Variants in BMAL1 observed in about 807,000 individuals in gnomAD.
BMAL1 encodes the protein basic helix-loop-helix ARNT like 1.
chr11:13,321,402 G>A, the BMAL1 span, among the ~76,000 whole-genome samples: 11 of 152,168 alleles, frequency 7.2e-5, no homozygotes, highest in African/African-American at 2.7e-4. Context: ...TGGGCTGCCC[G>A]TTCTTTCTTA....
At chr11:13,315,784 G>A in the BMAL1 span, among the ~76,000 whole-genome samples, 3 of 152,148 alleles carry the variant, frequency 2.0e-5, no homozygotes, top group East Asian at 1.9e-4. Flanking sequence ...AGGCAGGTGC[G>A]CAGCCTGGAG....
the BMAL1 span, among the ~76,000 whole-genome samples, chr11:13,282,230 C>T: frequency 6.6e-6 from 1 of 152,182 alleles, no homozygotes; most frequent in African/African-American, 2.4e-5. Flanking sequence ...CTACTGGCTT[C>T]GTGACTTGTG....
the BMAL1 span, among the ~76,000 whole-genome samples, chr11:13,302,173 G>A: frequency 6.6e-6 from 1 of 152,196 alleles, no homozygotes; most frequent in African/African-American, 2.4e-5. Flanking sequence ...GCTTTAAGGA[G>A]AAGTTTGTCA....
chr11:13,340,729 A>G, the BMAL1 span, among the ~76,000 whole-genome samples: 1 of 151,838 alleles, frequency 6.6e-6, no homozygotes, highest in Admixed American at 6.6e-5. Flanking sequence ...TGCTCTCACC[A>G]TCTCTGAGTT....
the BMAL1 span, among the ~76,000 whole-genome samples, chr11:13,284,692 A>T: frequency 4.6e-5 from 7 of 151,978 alleles, no homozygotes; most frequent in African/African-American, 7.3e-5. Context: ...AGAGGGAAGA[A>T]GCTCTTTTTG....
the BMAL1 span, among the ~76,000 whole-genome samples, chr11:13,353,684 G>A: frequency 1.3e-5 from 2 of 152,028 alleles, no homozygotes; most frequent in Non-Finnish European, 2.9e-5. Flanking sequence ...CAGGTGTGGT[G>A]GTGTATGCCT....
chr11:13,380,230 A>G, the BMAL1 span: 1 of 152,234 alleles, frequency 6.6e-6, no homozygotes, highest in African/African-American at 2.4e-5. Flanking sequence ...CATGATATGT[A>G]GTTGTAAACT....
chr11:13,374,888 T>A, the BMAL1 span, among the ~76,000 whole-genome samples: 1 of 152,234 alleles, frequency 6.6e-6, no homozygotes, highest in Non-Finnish European at 1.5e-5. Flanking sequence ...TTCCACCTTC[T>A]GGCCCCAGCC....
At chr11:13,372,475 A>G in the BMAL1 span, 3 of 1,587,982 alleles carry the variant, frequency 1.9e-6, no homozygotes, top group African/African-American at 2.7e-5. Context: ...TCTAAAAAGC[A>G]GAGAAGACTG....
chr11:13,357,567 C>T, the BMAL1 span, among the ~76,000 whole-genome samples: 7 of 152,206 alleles, frequency 4.6e-5, no homozygotes, highest in Admixed American at 6.5e-5. The surrounding 1 kb of genome is among the most constrained non-coding windows in gnomAD (Gnocchi z 4.8). Context: ...TCCAGCCACA[C>T]TTGCTGACCT....
chr11:13,323,273 A>G, the BMAL1 span, among the ~76,000 whole-genome samples: 2 of 152,290 alleles, frequency 1.3e-5, no homozygotes, highest in East Asian at 3.9e-4. Context: ...ACATCTTGGC[A>G]GTCACCCATA....
chr11:13,285,781 A>G, the BMAL1 span, among the ~76,000 whole-genome samples: 1 of 152,196 alleles, frequency 6.6e-6, no homozygotes. Context: ...AGCATTTGTC[A>G]TTGGTTATAT....
the BMAL1 span, among the ~76,000 whole-genome samples, chr11:13,322,148 A>G: frequency 6.6e-6 from 1 of 152,090 alleles, no homozygotes; most frequent in African/African-American, 2.4e-5. Flanking sequence ...GTTCTTGTCT[A>G]CGAAGGAGGG....
At chr11:13,328,860 G>A in the BMAL1 span, among the ~76,000 whole-genome samples, 3 of 152,052 alleles carry the variant, frequency 2.0e-5, no homozygotes, top group Admixed American at 6.6e-5. Flanking sequence ...ATGCAGCCCT[G>A]GGCAAAACAC....
At chr11:13,382,514 C>G in the BMAL1 span, among the ~76,000 whole-genome samples, 11 of 152,086 alleles carry the variant, frequency 7.2e-5, no homozygotes, top group African/African-American at 2.7e-4. Flanking sequence ...CCCCGCCCCC[C>G]TGCCCACAAC....
the BMAL1 span, among the ~76,000 whole-genome samples, chr11:13,284,252 ATATATATATATATAT>A: frequency 0.063 from 1,912 of 30,504 alleles, 330 homozygotes; most frequent in Middle Eastern, 0.21. Flanking sequence ...ATATATATAT[ATATATATATATATAT>A]TTTTTTTTTT....
chr11:13,287,489 A>G, the BMAL1 span, among the ~76,000 whole-genome samples: 888 of 152,334 alleles, frequency 5.8e-3, 8 homozygotes, highest in Non-Finnish European at 9.7e-3. Context: ...CTATACCCCT[A>G]GCAATGAAAA....
chr11:13,285,897 T>G, the BMAL1 span, among the ~76,000 whole-genome samples: 1 of 152,208 alleles, frequency 6.6e-6, no homozygotes, highest in Non-Finnish European at 1.5e-5. Context: ...TTTGAAGGGT[T>G]TTCTTATAAA....
At chr11:13,366,643 GTT>G in the BMAL1 span, 1 of 1,588,698 alleles carries the variant, frequency 6.3e-7, no homozygotes, top group East Asian at 2.2e-5. Flanking sequence ...GACTTGTCAT[GTT>G]TAACATTTCA....
Sources: gnomAD v4.1 joint callset for allele counts (sites outside exome capture counted in the v4.1 genomes callset) on GRCh38, gnomAD v4.1.1 for gene constraint, Gnocchi (gnomAD v3.1) non-coding constraint, MANE v1.5 for transcripts, NCBI Gene and HGNC (gene_info 2026-07-23, HGNC 2026-07-21) for gene names.